The following RIMS2 variants were observed in gnomAD, a reference collection of about 807,000 sequenced individuals.
The protein encoded by RIMS2 is regulating synaptic membrane exocytosis protein 2.
In RIMS2, 59 loss-of-function variants were observed where a neutral mutation model predicts 174.4. The observed-to-expected ratio is 0.34, with a 90% CI of 0.27 to 0.42. The LOEUF is 0.42. Ranked by LOEUF, RIMS2 falls within the 10% of genes least tolerant of loss-of-function variation. RIMS2 has a pLI of 1.00. For missense variants in RIMS2, 1,620 were observed against 1,666.3 expected, an observed-to-expected ratio of 0.97 and a Z score of 0.48; for synonymous variants, 606 against 572.5, an observed-to-expected ratio of 1.06 and a Z score of -0.84.
chr8:104,215,652 G>A (rs2099126607), intron 19 of RIMS2, among the ~76,000 whole-genome samples: 1 of 152,194 alleles, frequency 6.6e-6, no homozygotes, highest in Admixed American at 6.5e-5. Flanking sequence ...TATAATAGGA[G>A]ACATGTTTCT....
intron 2 of RIMS2, among the ~76,000 whole-genome samples, chr8:103,755,519 A>G (rs2139929582): frequency 6.6e-6 from 1 of 152,294 alleles, no homozygotes; most frequent in Admixed American, 6.5e-5. Flanking sequence ...TATCCTGAAG[A>G]GTGTTTTCCA....
chr8:103,985,960 T>C (rs183098060), intron 16 of RIMS2, among the ~76,000 whole-genome samples: 26 of 152,142 alleles, frequency 1.7e-4, no homozygotes, highest in African/African-American at 5.5e-4. Context: ...GGTGAGAAGA[T>C]TGGGGAGATA....
intron 1 of RIMS2, among the ~76,000 whole-genome samples, chr8:103,546,089 A>G (rs970143457): frequency 3.3e-5 from 5 of 152,204 alleles, no homozygotes; most frequent in African/African-American, 1.2e-4. Flanking sequence ...CAGGGGGGCA[A>G]GCTGGATAAA....
At chr8:103,620,650 T>C (rs1055349153) in intron 1 of RIMS2, among the ~76,000 whole-genome samples, 1 of 150,882 alleles carries the variant, frequency 6.6e-6, no homozygotes, top group Non-Finnish European at 1.5e-5. Context: ...GTCCCGATTC[T>C]TAGTTACATT....
At chr8:104,005,309 G>T (rs1356151593) in intron 17 of RIMS2, among the ~76,000 whole-genome samples, 1 of 152,256 alleles carries the variant, frequency 6.6e-6, no homozygotes, top group East Asian at 1.9e-4. Flanking sequence ...TGATTCGGGG[G>T]GTAATTGTCA....
chr8:103,727,799 ATC>A (rs2138731062), intron 2 of RIMS2, among the ~76,000 whole-genome samples: 1 of 152,124 alleles, frequency 6.6e-6, no homozygotes, highest in African/African-American at 2.4e-5. Flanking sequence ...TGATCTATGT[ATC>A]TGTTTTTATG....
chr8:103,998,354 G>T, intron 17 of RIMS2: 2 of 600,196 alleles, frequency 3.3e-6, no homozygotes, highest in Non-Finnish European at 2.8e-6. Flanking sequence ...ATACATATAT[G>T]GTTGTTAATG....
At chr8:104,019,964 T>G (rs1299223251) in intron 19 of RIMS2, among the ~76,000 whole-genome samples, 1 of 152,134 alleles carries the variant, frequency 6.6e-6, no homozygotes, top group African/African-American at 2.4e-5. Context: ...TTCATTAAGA[T>G]AAAGAAGCCC....
At chr8:103,769,304 T>G (rs1006536128) in intron 3 of RIMS2, among the ~76,000 whole-genome samples, 1 of 152,142 alleles carries the variant, frequency 6.6e-6, no homozygotes, top group African/African-American at 2.4e-5. Context: ...AAAGCCTATC[T>G]GTAATCTTTG....
chr8:103,833,136 T>C (rs1388533895), intron 3 of RIMS2, among the ~76,000 whole-genome samples: 4 of 152,234 alleles, frequency 2.6e-5, no homozygotes, highest in Admixed American at 6.5e-5. Context: ...ATGTTGACAC[T>C]CTTTTTTGTT....
intron 19 of RIMS2, among the ~76,000 whole-genome samples, chr8:104,191,456 C>T (rs532069088): frequency 1.3e-5 from 2 of 152,154 alleles, no homozygotes; most frequent in South Asian, 4.1e-4. Flanking sequence ...TGACACCAAT[C>T]ATACATGTAT....
intron 1 of RIMS2, among the ~76,000 whole-genome samples, chr8:103,643,163 TG>T (rs1225890833): frequency 3.9e-5 from 6 of 152,046 alleles, no homozygotes; most frequent in Non-Finnish European, 5.9e-5. Context: ...GCTCATTGAT[TG>T]TTTTTTTGGC....
At chr8:104,184,537 G>A (rs1011727878) in intron 19 of RIMS2, among the ~76,000 whole-genome samples, 6 of 151,408 alleles carry the variant, frequency 4.0e-5, no homozygotes, top group East Asian at 1.9e-4. Flanking sequence ...TGCTTGATTC[G>A]CCATAATATC....
chr8:103,786,891 A>G (rs2098449140), intron 3 of RIMS2, among the ~76,000 whole-genome samples: 1 of 151,772 alleles, frequency 6.6e-6, no homozygotes, highest in Non-Finnish European at 1.5e-5. Context: ...TCCCATTATT[A>G]ATGTGTGGGA....
intron 18 of RIMS2, 88 bp downstream of exon 20, chr8:104,013,709 C>T: frequency 9.7e-7 from 1 of 1,027,888 alleles, no homozygotes; most frequent in Non-Finnish European, 1.5e-6. Flanking sequence ...TCTCTTCTAT[C>T]ATCTTTGGCT....
chr8:103,939,756 G>C lies in RIMS2; in HGVS notation c.2548-3017G>C, dbSNP rs147614940. On this transcript the variant is annotated intron_variant, in intron 13 of 23. Coordinates refer to ENST00000504942, the Ensembl canonical transcript of RIMS2. The stretch of plus-strand genomic sequence containing the variant: ...ACCCAAGTCACATCTTGAATGCTTT[G>C]CTGCTTCAACATTTGTTCCACCAGA... 2.0e-3 allele frequency among the ~76,000 whole-genome samples: 298 copies of C among 152,182 alleles called. 2 individuals carry two copies. Among genetic ancestry groups the C allele is most frequent in the African/African-American group, 6.9e-3 (287 of 41,516 alleles).
chr8:104,163,362 A>G (rs988770845), intron 19 of RIMS2, among the ~76,000 whole-genome samples: 4 of 152,184 alleles, frequency 2.6e-5, no homozygotes, highest in South Asian at 4.1e-4. Flanking sequence ...TGTGCCAACT[A>G]TTGTCCTCCT....
chr8:104,166,008 G>A (rs191331934), intron 19 of RIMS2, among the ~76,000 whole-genome samples: 84 of 150,110 alleles, frequency 5.6e-4, no homozygotes, highest in Non-Finnish European at 1.0e-3. Flanking sequence ...TGCACAAAAT[G>A]CTATAAGATT....
intron 3 of RIMS2, among the ~76,000 whole-genome samples, chr8:103,781,183 C>A (rs2098384558): frequency 6.6e-6 from 1 of 152,112 alleles, no homozygotes; most frequent in Non-Finnish European, 1.5e-5. Context: ...GGACTGAGAT[C>A]CAGTGTAGAA....
Sources: allele counts gnomAD v4.1 joint callset (sites outside exome capture counted in the v4.1 genomes callset), GRCh38; gene constraint gnomAD v4.1.1; transcripts MANE v1.5; gene names NCBI Gene and HGNC (gene_info 2026-07-23, HGNC 2026-07-21).